AFAP1L2: variants seen among roughly 807,000 people sequenced by gnomAD.
AFAP1L2 encodes actin filament associated protein 1 like 2.
A neutral mutation model predicts 99.3 loss-of-function variants in AFAP1L2; 46 were observed. The observed-to-expected ratio is 0.46, with a 90% CI of 0.37 to 0.59. The LOEUF is 0.59. AFAP1L2 is among the 20% of genes least tolerant of loss of function. AFAP1L2 has a pLI of 0.00. For synonymous variants in AFAP1L2, 397 were observed against 419.1 expected, an observed-to-expected ratio of 0.95 and a Z score of 0.64; for missense variants, 959 against 1,034.9, an observed-to-expected ratio of 0.93 and a Z score of 1.01.
intron 1 of AFAP1L2, among the ~76,000 whole-genome samples, chr10:114,341,834 T>C (rs2048872687): frequency 6.6e-6 from 1 of 152,138 alleles, no homozygotes; most frequent in South Asian, 2.1e-4. Flanking sequence ...CCAGTGGTAG[T>C]TATCCGTATA....
At chr10:114,335,997 A>AC (rs375991334) in intron 2 of AFAP1L2, among the ~76,000 whole-genome samples, 1 of 74,134 alleles carries the variant, frequency 1.3e-5, no homozygotes, top group Non-Finnish European at 4.5e-5. Context: ...ACATACCTAT[A>AC]CAAAAAATAA....
intron 1 of AFAP1L2, among the ~76,000 whole-genome samples, chr10:114,347,637 A>G (rs1002535109): frequency 1.3e-5 from 2 of 152,028 alleles, no homozygotes; most frequent in African/African-American, 4.8e-5. Context: ...TATGGTCTCA[A>G]GTAGCTGGGA....
intron 18 of AFAP1L2, 124 bp downstream of exon 18, chr10:114,296,854 G>A (rs2040310471): frequency 6.6e-7 from 1 of 1,519,162 alleles, no homozygotes; most frequent in South Asian, 1.2e-5. Context: ...ACTCCTTGGT[G>A]AGTGCCGAGC....
intron 16 of AFAP1L2, among the ~76,000 whole-genome samples, chr10:114,298,377 A>G (rs550365899): frequency 6.6e-6 from 1 of 152,018 alleles, no homozygotes; most frequent in South Asian, 2.1e-4. Context: ...GACTGTCTCA[A>G]AAAAAGAAAG....
Position 114,295,456 on chromosome 10 carries a change from G to T in AFAP1L2, c.*586C>A, listed in dbSNP as rs1183634465. On this transcript the variant is annotated 3_prime_UTR_variant, in exon 19 of 19. Transcript: ENST00000304129. ...GGTCCCAAATATTTTCCCCATTATT[G>T]TTTCTCAAAACTCATGTCATAGATG... is the stretch of plus-strand genomic sequence containing the variant. 3 of 985,394 alleles carry T rather than the reference G, an allele frequency of 3.0e-6. No homozygotes were observed. In the African/African-American group the frequency reaches 5.2e-5, roughly 17 times the overall value. 61.0% of individuals were successfully genotyped at this position (985,394 alleles called of 1,614,324 possible).
chr10:114,338,458 C>T (rs1167997212), intron 2 of AFAP1L2, among the ~76,000 whole-genome samples: 1 of 152,184 alleles, frequency 6.6e-6, no homozygotes, highest in Non-Finnish European at 1.5e-5. Flanking sequence ...GAAATAAAAC[C>T]ATATGTCCAC....
intron 1 of AFAP1L2, among the ~76,000 whole-genome samples, chr10:114,369,441 A>G (rs2053780932): frequency 6.6e-6 from 1 of 151,880 alleles, no homozygotes; most frequent in Non-Finnish European, 1.5e-5. Context: ...TAAAAATACA[A>G]AAAATTAGCC....
At chr10:114,311,653 C>T (rs2043255331) in intron 7 of AFAP1L2, among the ~76,000 whole-genome samples, 1 of 152,232 alleles carries the variant, frequency 6.6e-6, no homozygotes, top group Non-Finnish European at 1.5e-5. Context: ...TCCCTATTAG[C>T]TTGGGCCAAA....
chr10:114,400,170 G>A lies in AFAP1L2; in HGVS notation c.16+4270C>T, dbSNP rs371608749. 7.2e-5 allele frequency among the ~76,000 whole-genome samples: 11 copies of A among 152,302 alleles called. No individual in the cohort carries two copies. The East Asian group carries it at 1.2e-3, about 16-fold the overall frequency. ...AGAAGCCTTTAAAGAAACATTTCCC[G>A]TTATGAAAGGGAATTGGAAGAAAAC... On this transcript the variant is annotated intron_variant, in intron 1 of 18. Transcript: ENST00000304129.
Position 114,362,872 on chromosome 10 carries a change from T to C in AFAP1L2, c.17-22141A>G. 3.4e-6 allele frequency: 3 copies of C among 875,308 alleles called. No homozygotes were observed. The South Asian group carries it at 1.6e-4, about 46-fold the overall frequency. The allele number at this position is 875,308 out of a possible 1,614,324, so 54.2% of individuals were successfully genotyped here. On this transcript the variant is annotated intron_variant, in intron 1 of 18. Coordinates refer to ENST00000304129, the MANE Select transcript of AFAP1L2 (RefSeq NM_001001936.3). ...TATTTCAAATCAGTCAGACAAAAAC[T>C]TCTGATTTGAAAACATTCACTCTGC... is the stretch of plus-strand genomic sequence containing the variant.
At chr10:114,362,871 C>T (rs1360653904) in intron 1 of AFAP1L2, 3 of 872,394 alleles carry the variant, frequency 3.4e-6, no homozygotes, top group Non-Finnish European at 4.1e-6. Flanking sequence ...CAGACAAAAA[C>T]TTCTGATTTG....
At chr10:114,356,607 C>G (rs2051429895) in intron 1 of AFAP1L2, among the ~76,000 whole-genome samples, 1 of 152,064 alleles carries the variant, frequency 6.6e-6, no homozygotes, top group Middle Eastern at 3.2e-3. Flanking sequence ...TAGTACTGAT[C>G]TAAAACATCA....
At chr10:114,314,170 G>A (rs1590068462) in intron 6 of AFAP1L2, 120 bp from the exon 7 acceptor site, 1 of 982,030 alleles carries the variant, frequency 1.0e-6, no homozygotes. Flanking sequence ...AACCCAGCAA[G>A]ACTAAGAGGC....
chr10:114,320,069 T>C (rs1462898559), intron 5 of AFAP1L2, among the ~76,000 whole-genome samples: 1 of 152,110 alleles, frequency 6.6e-6, no homozygotes, highest in Non-Finnish European at 1.5e-5. Context: ...TGCCCCACAC[T>C]GAAATACCCG....
At chr10:114,301,798 T>C (rs1392419517) in intron 12 of AFAP1L2, 1 of 356,488 alleles carries the variant, frequency 2.8e-6, no homozygotes, top group Non-Finnish European at 5.3e-6. Flanking sequence ...CCCCTTCTCA[T>C]TTCATCTTCA....
intron 2 of AFAP1L2, among the ~76,000 whole-genome samples, chr10:114,334,999 A>G (rs2135710048): frequency 6.6e-6 from 1 of 152,378 alleles, no homozygotes; most frequent in Admixed American, 6.5e-5. Context: ...AGGTAACCTT[A>G]CAACTAAGAT....
At chr10:114,384,963 C>G (rs1419646061) in intron 1 of AFAP1L2, among the ~76,000 whole-genome samples, 1 of 152,224 alleles carries the variant, frequency 6.6e-6, no homozygotes, top group Non-Finnish European at 1.5e-5. Flanking sequence ...ATTTTAGGAG[C>G]TGTAAAACAG....
At chr10:114,348,152 A>C (rs904807391) in intron 1 of AFAP1L2, among the ~76,000 whole-genome samples, 2 of 152,226 alleles carry the variant, frequency 1.3e-5, no homozygotes, top group African/African-American at 4.8e-5. Flanking sequence ...GACTGAGTAC[A>C]ATTCCATTAT....
chr10:114,355,229 A>G (rs1316558830), intron 1 of AFAP1L2, among the ~76,000 whole-genome samples: 2 of 150,218 alleles, frequency 1.3e-5, no homozygotes, highest in African/African-American at 4.9e-5. Context: ...TGCCTCCCCC[A>G]CAGAAGCCTT....
Sources: gnomAD v4.1 joint callset for allele counts (sites outside exome capture counted in the v4.1 genomes callset) on GRCh38, gnomAD v4.1.1 for gene constraint, MANE v1.5 for transcripts, NCBI Gene and HGNC (gene_info 2026-07-23, HGNC 2026-07-21) for gene names.